ATP10B: variants seen among roughly 807,000 people sequenced by gnomAD.
ATP10B encodes ATPase phospholipid transporting 10B (putative), also known as phospholipid-transporting ATPase VB.
In ATP10B, 122 loss-of-function variants were observed where a neutral mutation model predicts 141.2. The observed-to-expected ratio is 0.86, with a 90% CI of 0.75 to 1.00. The LOEUF (loss-of-function observed/expected upper bound fraction) is 1.00, where lower values mean the gene tolerates loss of function less well. Ranked by LOEUF, ATP10B falls within the 50% of genes least tolerant of loss-of-function variation. The probability of loss-of-function intolerance (pLI) is 0.00; values close to 1 mark genes in which losing one functional copy is unlikely to be tolerated. For missense variants in ATP10B, 1,876 were observed against 1,825.3 expected (o/e 1.03, Z -0.51); for synonymous variants, 685 against 692.0 (o/e 0.99, Z 0.16).
chr5:160,798,642 G>A (rs1181367302), intron 1 of ATP10B, among the ~76,000 whole-genome samples: 3 of 151,954 alleles, frequency 2.0e-5, no homozygotes, highest in African/African-American at 4.8e-5. Flanking sequence ...TGCCAGAACT[G>A]TGAACAAATA....
intron 3 of ATP10B, among the ~76,000 whole-genome samples, chr5:160,707,508 G>A (rs550142249): frequency 2.6e-4 from 39 of 152,232 alleles, no homozygotes; most frequent in African/African-American, 8.7e-4. Flanking sequence ...TAAATTTCTC[G>A]ATACAGACTT....
rs188016034 is a variant in ATP10B at position 160,687,728 on chromosome 5, A to G, written c.275+72T>C. On this transcript the variant is annotated intron_variant, in intron 5 of 25. Coordinates refer to ENST00000327245, the MANE Select transcript of ATP10B (RefSeq NM_025153.3). The stretch of plus-strand genomic sequence containing the variant: ...TGCAGTGAGCCGAGATTGCACGACT[A>G]TACTCCAGCCTGGGGAACAGAATGA... 2.0e-5 allele frequency: 31 copies of G among 1,524,044 alleles called. No individual in the cohort carries two copies. The East Asian group carries it at 7.0e-4, about 34-fold the overall frequency. 94.4% of individuals were successfully genotyped at this position (1,524,044 alleles called of 1,614,324 possible).
the ATP10B span, among the ~76,000 whole-genome samples, chr5:160,881,752 A>C: frequency 6.6e-6 from 1 of 152,166 alleles, no homozygotes; most frequent in African/African-American, 2.4e-5. Context: ...TGGAGCTTGC[A>C]GTGAGAGGAG....
At chr5:160,876,871 G>T in the ATP10B span, among the ~76,000 whole-genome samples, 98 of 146,322 alleles carry the variant, frequency 6.7e-4, 2 homozygotes, top group Admixed American at 4.6e-3. Flanking sequence ...AATAACAGGA[G>T]CTGAAATTGT....
chr5:160,764,471 A>G (rs967317574), intron 2 of ATP10B, among the ~76,000 whole-genome samples: 1 of 152,194 alleles, frequency 6.6e-6, no homozygotes, highest in Admixed American at 6.5e-5. Context: ...TCACATGATC[A>G]TCTCAATAGA....
intron 1 of ATP10B, among the ~76,000 whole-genome samples, chr5:160,841,868 G>A (rs925781159): frequency 1.3e-5 from 2 of 152,132 alleles, no homozygotes; most frequent in Non-Finnish European, 2.9e-5. Context: ...GGGATTACAG[G>A]TGCGTGCCAC....
chr5:160,756,146 AT>A (rs76308583), intron 2 of ATP10B, among the ~76,000 whole-genome samples: 85,771 of 150,016 alleles, frequency 0.57, 24,664 homozygotes, highest in Admixed American at 0.64. Context: ...TGCATTATGT[AT>A]TTTTTTTTTA....
At chr5:160,731,042 T>G (rs957710388) in intron 2 of ATP10B, among the ~76,000 whole-genome samples, 1 of 152,188 alleles carries the variant, frequency 6.6e-6, no homozygotes, top group Non-Finnish European at 1.5e-5. Context: ...TTTTCTCTAG[T>G]TAGATACATA....
chr5:160,590,365 C>A (rs1013297362), intron 23 of ATP10B, among the ~76,000 whole-genome samples: 5 of 152,166 alleles, frequency 3.3e-5, no homozygotes, highest in Admixed American at 6.5e-5. Flanking sequence ...CTAACTCCAT[C>A]ATCTTGCTAA....
At chr5:160,608,900 TA>T (rs1476886804) in intron 18 of ATP10B, among the ~76,000 whole-genome samples, 1 of 152,228 alleles carries the variant, frequency 6.6e-6, no homozygotes, top group Admixed American at 6.5e-5. Flanking sequence ...ACTCTGATGG[TA>T]GTTTCTTTTG....
chr5:160,677,539 G>A (rs1027623564), intron 6 of ATP10B, among the ~76,000 whole-genome samples: 9 of 152,300 alleles, frequency 5.9e-5, no homozygotes, highest in African/African-American at 1.9e-4. Context: ...CGAGTTCTAT[G>A]GTTAAAGATT....
At chr5:160,815,093 C>A (rs1773504104) in intron 1 of ATP10B, among the ~76,000 whole-genome samples, 2 of 152,098 alleles carry the variant, frequency 1.3e-5, no homozygotes, top group Non-Finnish European at 2.9e-5. Flanking sequence ...AGCAAAATAA[C>A]CAGCTAACAT....
At chr5:160,586,188 C>T (rs1253885050) in intron 24 of ATP10B, among the ~76,000 whole-genome samples, 2 of 152,086 alleles carry the variant, frequency 1.3e-5, no homozygotes, top group Non-Finnish European at 2.9e-5. Context: ...TCCATGTGTT[C>T]TCATTGTTGA....
intron 2 of ATP10B, among the ~76,000 whole-genome samples, chr5:160,744,498 C>T (rs1012538313): frequency 1.3e-5 from 2 of 152,066 alleles, no homozygotes; most frequent in African/African-American, 4.8e-5. Context: ...TTGCAGGCAG[C>T]GGGCCCCAGA....
the ATP10B span, among the ~76,000 whole-genome samples, chr5:160,908,417 A>G: frequency 6.6e-6 from 1 of 152,206 alleles, no homozygotes; most frequent in Non-Finnish European, 1.5e-5. Context: ...TCATTGAACT[A>G]GTAAGTGAAA....
the ATP10B span, among the ~76,000 whole-genome samples, chr5:160,879,472 C>T: frequency 7.1e-6 from 1 of 140,406 alleles, no homozygotes; most frequent in Non-Finnish European, 1.5e-5. Flanking sequence ...ACCAGCATGG[C>T]ACATGTATAC....
intron 24 of ATP10B, among the ~76,000 whole-genome samples, chr5:160,575,249 T>A: frequency 6.6e-6 from 1 of 152,218 alleles, no homozygotes; most frequent in African/African-American, 2.4e-5. Context: ...ATTGATCCAA[T>A]AATGTCCTAA....
intron 18 of ATP10B, 60 bp downstream of exon 18, chr5:160,612,681 G>A: frequency 6.9e-7 from 1 of 1,458,746 alleles, no homozygotes; most frequent in South Asian, 1.3e-5. Flanking sequence ...GTGTCCTCTT[G>A]GTTGAGGGGT....
intron 2 of ATP10B, 127 bp downstream of exon 2, chr5:160,785,432 C>G (rs1771066148): frequency 9.8e-6 from 3 of 305,692 alleles, no homozygotes; most frequent in Non-Finnish European, 1.9e-5. Context: ...TTTTTTTGTT[C>G]TGTTTTGTTT....
Sources: gnomAD v4.1 joint callset for allele counts (sites outside exome capture counted in the v4.1 genomes callset) on GRCh38, gnomAD v4.1.1 for gene constraint, MANE v1.5 for transcripts, NCBI Gene and HGNC (gene_info 2026-07-23, HGNC 2026-07-21) for gene names.